Variants in C1GALT1 observed in about 807,000 individuals in gnomAD.
C1GALT1 encodes the protein core 1 synthase, glycoprotein-N-acetylgalactosamine 3-beta-galactosyltransferase 1, also known as glycoprotein-N-acetylgalactosamine 3-beta-galactosyltransferase 1.
In C1GALT1, 11 loss-of-function variants were observed where a neutral mutation model predicts 31.0. The observed-to-expected ratio is 0.36, with a 90% CI of 0.22 to 0.59. The LOEUF (loss-of-function observed/expected upper bound fraction) is 0.59. Among genes scored for constraint, C1GALT1 ranks in the 20% least tolerant of loss-of-function variants. The pLI is 0.79. For synonymous variants in C1GALT1, 175 were observed against 143.6 expected (o/e 1.22, Z -1.56); for missense variants, 424 against 425.2 (o/e 1.00, Z 0.03).
chr7:7,189,660 G>T (rs987547757), intron 1 of C1GALT1, among the ~76,000 whole-genome samples: 4 of 151,818 alleles, frequency 2.6e-5, no homozygotes, highest in Admixed American at 2.6e-4. Flanking sequence ...AAAGAAATAT[G>T]CCCTTTAACC....
chr7:7,201,264 G>A (rs1374405613), intron 1 of C1GALT1, among the ~76,000 whole-genome samples: 1 of 152,192 alleles, frequency 6.6e-6, no homozygotes. Flanking sequence ...GTTTGCTGGA[G>A]GTCCACTCCA....
rs199790015 is a variant in C1GALT1 at position 7,232,498 on chromosome 7, T to G, written c.-17-1805T>G. ...AAAGGGCGTGGGTTTTTTTTTTTTG[T>G]TTTTTTTTTTTTGAGACAGAGTCTT... On this transcript the variant is annotated intron_variant, in intron 1 of 3. Coordinates refer to ENST00000436587, the MANE Select transcript of C1GALT1 (RefSeq NM_020156.5). Among the ~76,000 whole-genome samples, 129 of 19,012 alleles carry G rather than the reference T, an allele frequency of 6.8e-3. 1 individual carries two copies. The highest frequency in any genetic ancestry group is 0.057 in the African/African-American group (93 of 1,642). The allele number at this position is 19,012 out of a possible 152,430, so 12.5% of individuals were successfully genotyped here.
intron 1 of C1GALT1, among the ~76,000 whole-genome samples, chr7:7,229,031 C>T (rs1022213869): frequency 2.3e-4 from 34 of 146,182 alleles, no homozygotes; most frequent in Non-Finnish European, 4.8e-4. Flanking sequence ...GTTAGCACTT[C>T]TTTAACTTCA....
At position 7,246,089 on chromosome 7, in the gene C1GALT1, ATAAG is replaced by A. The variant is rs1354525397; in HGVS notation, c.*2366_*2369del. ...TTGCTTTGACCAGATACTGAAGGAA[ATAAG>A]TAATAGCTAGTATTTATCCAATGCC... On this transcript the variant is annotated 3_prime_UTR_variant, in exon 4 of 4. Coordinates refer to ENST00000436587, the MANE Select transcript of C1GALT1 (RefSeq NM_020156.5). 2 of 152,358 alleles carry A rather than the reference ATAAG, an allele frequency of 1.3e-5. No homozygotes were observed. The highest frequency in any genetic ancestry group is 2.1e-4 in the South Asian group (1 of 4,830). The allele number at this position is 152,358 out of a possible 1,614,324, so 9.4% of individuals were successfully genotyped here.
At chr7:7,232,292 T>G (rs1783112416) in intron 1 of C1GALT1, among the ~76,000 whole-genome samples, 1 of 152,256 alleles carries the variant, frequency 6.6e-6, no homozygotes, top group African/African-American at 2.4e-5. Flanking sequence ...ATTCCAGAAA[T>G]ACATGAAGTT....
chr7:7,167,559 T>A (rs573182428), intron 2 of C1GALT1, among the ~76,000 whole-genome samples: 1 of 152,102 alleles, frequency 6.6e-6, no homozygotes, highest in Non-Finnish European at 1.5e-5. Flanking sequence ...TGCCATTTCA[T>A]GGAATTATGT....
intron 1 of C1GALT1, among the ~76,000 whole-genome samples, chr7:7,217,593 C>T (rs536401477): frequency 1.3e-5 from 2 of 152,184 alleles, no homozygotes; most frequent in African/African-American, 2.4e-5. Context: ...ATAGAAACTT[C>T]TTTAAAAGCT....
chr7:7,215,813 G>C (rs1358216123), intron 1 of C1GALT1, among the ~76,000 whole-genome samples: 1 of 152,016 alleles, frequency 6.6e-6, no homozygotes, highest in Non-Finnish European at 1.5e-5. Flanking sequence ...ATCCTCCCGT[G>C]TGAGGTTAAA....
chr7:7,189,674 G>A (rs1228052408), intron 1 of C1GALT1, among the ~76,000 whole-genome samples: 3 of 151,666 alleles, frequency 2.0e-5, no homozygotes, highest in East Asian at 3.9e-4. Context: ...TTTAACCAGC[G>A]ACTTCATTGC....
At chr7:7,176,345 T>C (rs551728749) in intron 2 of C1GALT1, among the ~76,000 whole-genome samples, 38 of 152,360 alleles carry the variant, frequency 2.5e-4, no homozygotes, top group African/African-American at 7.7e-4. Flanking sequence ...TTAGTTCTTT[T>C]CAATAACAGA....
chr7:7,220,388 T>A (rs944721930), intron 1 of C1GALT1, among the ~76,000 whole-genome samples: 2 of 152,236 alleles, frequency 1.3e-5, no homozygotes, highest in African/African-American at 4.8e-5. Flanking sequence ...ATTCTGAAAC[T>A]TCTCCCAGTC....
chr7:7,222,097 TAATA>T (rs1782536009), intron 1 of C1GALT1, among the ~76,000 whole-genome samples: 1 of 152,192 alleles, frequency 6.6e-6, no homozygotes, highest in Non-Finnish European at 1.5e-5. Context: ...GAATACTTTC[TAATA>T]AATCACTTTG....
At chr7:7,165,589 A>G (rs1370726682) in intron 2 of C1GALT1, among the ~76,000 whole-genome samples, 1 of 152,130 alleles carries the variant, frequency 6.6e-6, no homozygotes, top group Non-Finnish European at 1.5e-5. Context: ...CAAAGCTTTC[A>G]AGACAGGAAG....
chr7:7,189,834 G>C (rs1780979528), intron 1 of C1GALT1, among the ~76,000 whole-genome samples: 1 of 151,770 alleles, frequency 6.6e-6, no homozygotes, highest in Non-Finnish European at 1.5e-5. Context: ...TGAAATCTTA[G>C]AAACATTTGA....
chr7:7,236,948 T>C (rs1285583660), intron 2 of C1GALT1, among the ~76,000 whole-genome samples: 3 of 152,210 alleles, frequency 2.0e-5, no homozygotes, highest in African/African-American at 4.8e-5. Flanking sequence ...TAACTTGCTG[T>C]TTGACCTTAA....
chr7:7,229,495 A>G (rs1191760685), intron 1 of C1GALT1, among the ~76,000 whole-genome samples: 1 of 152,096 alleles, frequency 6.6e-6, no homozygotes, highest in Non-Finnish European at 1.5e-5. Flanking sequence ...ACATACCTCT[A>G]TTGTAGATTG....
chr7:7,204,851 T>C (rs1781669545), intron 1 of C1GALT1, among the ~76,000 whole-genome samples: 1 of 152,202 alleles, frequency 6.6e-6, no homozygotes, highest in Admixed American at 6.5e-5. Flanking sequence ...ATTTTCCTTC[T>C]TTTATTGATT....
chr7:7,182,413 C>T (rs1350319979), upstream of C1GALT1: 1 of 152,272 alleles, frequency 6.6e-6, no homozygotes, highest in Non-Finnish European at 1.5e-5. Flanking sequence ...ACTTCCCAGA[C>T]CCCTTCGCAT....
intron 3 of C1GALT1, among the ~76,000 whole-genome samples, chr7:7,239,883 A>T (rs1022438524): frequency 6.6e-6 from 1 of 152,182 alleles, no homozygotes; most frequent in Non-Finnish European, 1.5e-5. Flanking sequence ...AGATTTATCA[A>T]TGTTAATTAC....
Sources: gnomAD v4.1 joint callset for allele counts (sites outside exome capture counted in the v4.1 genomes callset) on GRCh38, gnomAD v4.1.1 for gene constraint, MANE v1.5 for transcripts, NCBI Gene and HGNC (gene_info 2026-07-23, HGNC 2026-07-21) for gene names.